Variants in FNDC3B observed in about 807,000 individuals in gnomAD.
FNDC3B encodes the protein fibronectin type III domain containing 3B.
In FNDC3B, 12 loss-of-function variants were observed where a neutral mutation model predicts 151.5. That is an observed-to-expected ratio of 0.08 (90% CI 0.05 to 0.13). The LOEUF (loss-of-function observed/expected upper bound fraction) is 0.13. FNDC3B is among the 10% of genes least tolerant of loss of function. FNDC3B has a pLI of 1.00. For synonymous variants in FNDC3B, 528 were observed against 549.0 expected (o/e 0.96, Z 0.54); for missense variants, 1,214 against 1,505.3 (o/e 0.81, Z 3.20).
intron 11 of FNDC3B, among the ~76,000 whole-genome samples, chr3:172,314,040 A>C (rs1185293056): frequency 6.6e-6 from 1 of 152,228 alleles, no homozygotes; most frequent in Admixed American, 6.5e-5. Context: ...GTGTGAACAC[A>C]TAAGGCTCTG....
intron 21 of FNDC3B, among the ~76,000 whole-genome samples, chr3:172,351,610 C>G (rs1259972868): frequency 6.6e-6 from 1 of 152,202 alleles, no homozygotes; most frequent in Non-Finnish European, 1.5e-5. Context: ...TTCACTGAAT[C>G]ACTCTGATTG....
At chr3:172,217,843 A>G (rs1381839447) in intron 3 of FNDC3B, among the ~76,000 whole-genome samples, 1 of 152,222 alleles carries the variant, frequency 6.6e-6, no homozygotes, top group Non-Finnish European at 1.5e-5. Flanking sequence ...GGAATGTTTG[A>G]AAGAAAAGAC....
chr3:172,394,324 G>A (rs1400482133), intron 25 of FNDC3B, among the ~76,000 whole-genome samples: 1 of 151,612 alleles, frequency 6.6e-6, no homozygotes, highest in African/African-American at 2.4e-5. Context: ...TAGAAAAACA[G>A]TACAAAGATC....
At chr3:172,068,323 C>G (rs1038797781) in intron 1 of FNDC3B, among the ~76,000 whole-genome samples, 1 of 151,792 alleles carries the variant, frequency 6.6e-6, no homozygotes, top group Admixed American at 6.6e-5. Context: ...CTCCCACTTT[C>G]AATACTCATC....
chr3:172,257,456 T>C (rs1728409310), intron 6 of FNDC3B, among the ~76,000 whole-genome samples: 1 of 152,168 alleles, frequency 6.6e-6, no homozygotes, highest in Non-Finnish European at 1.5e-5. Context: ...TTACAGTCAG[T>C]GATTTTCAAA....
At chr3:172,096,754 A>G (rs985986930) in intron 1 of FNDC3B, among the ~76,000 whole-genome samples, 1 of 152,218 alleles carries the variant, frequency 6.6e-6, no homozygotes, top group Non-Finnish European at 1.5e-5. Flanking sequence ...GAGATTATGA[A>G]CAATTAAACT....
At chr3:172,355,367 A>G (rs1734044694) in intron 22 of FNDC3B, among the ~76,000 whole-genome samples, 2 of 152,148 alleles carry the variant, frequency 1.3e-5, no homozygotes, top group African/African-American at 4.8e-5. Context: ...ACCTCTCTAT[A>G]TCTAAAATCA....
At chr3:172,073,371 G>C (rs1390040938) in intron 1 of FNDC3B, among the ~76,000 whole-genome samples, 1 of 152,214 alleles carries the variant, frequency 6.6e-6, no homozygotes, top group East Asian at 1.9e-4. Flanking sequence ...GAGACTGGCT[G>C]TGAAAGTGGA....
At chr3:172,340,933 G>A (rs1426881708) in intron 16 of FNDC3B, among the ~76,000 whole-genome samples, 180 bp from the exon 17 acceptor site, 1 of 152,206 alleles carries the variant, frequency 6.6e-6, no homozygotes, top group East Asian at 1.9e-4. Context: ...TATTAAAAAT[G>A]ACTCAATGTT....
At chr3:172,333,488 A>ATTTTTTTTT (rs748224819) in intron 14 of FNDC3B, among the ~76,000 whole-genome samples, 12 of 102,834 alleles carry the variant, frequency 1.2e-4, no homozygotes, top group East Asian at 2.6e-4. Context: ...TGCCCGGCTA[A>ATTTTTTTTT]TTTTTTTTTT....
chr3:172,180,889 A>G (rs759644249), intron 3 of FNDC3B, among the ~76,000 whole-genome samples: 1 of 152,172 alleles, frequency 6.6e-6, no homozygotes. Context: ...CAGTCTCCTC[A>G]GAAGCGGGAA....
At chr3:172,063,019 A>G (rs990520747) in intron 1 of FNDC3B, among the ~76,000 whole-genome samples, 3 of 152,220 alleles carry the variant, frequency 2.0e-5, no homozygotes, top group Non-Finnish European at 4.4e-5. Context: ...TTGCTCTCAT[A>G]GATTTTAAGA....
intron 25 of FNDC3B, among the ~76,000 whole-genome samples, chr3:172,387,501 A>G (rs1315290968): frequency 6.6e-6 from 1 of 152,236 alleles, no homozygotes; most frequent in East Asian, 1.9e-4. Context: ...TTTCTGCATG[A>G]ATAAAGGGTC....
At chr3:172,043,563 C>G (rs1048745783) in intron 1 of FNDC3B, among the ~76,000 whole-genome samples, 3 of 152,096 alleles carry the variant, frequency 2.0e-5, no homozygotes, top group Non-Finnish European at 2.9e-5. Context: ...ACTAGGTTGT[C>G]CAGGCTGCAT....
chr3:172,086,751 T>C (rs893046626), intron 1 of FNDC3B, among the ~76,000 whole-genome samples: 1 of 152,202 alleles, frequency 6.6e-6, no homozygotes, highest in Non-Finnish European at 1.5e-5. Flanking sequence ...CTTAAAAAGT[T>C]TGTGTGTTCA....
chr3:172,214,711 A>G (rs1364437030), intron 3 of FNDC3B, among the ~76,000 whole-genome samples: 1 of 152,172 alleles, frequency 6.6e-6, no homozygotes, highest in Non-Finnish European at 1.5e-5. Context: ...GTTCTAGTCC[A>G]TACATCCTGG....
At chr3:172,120,312 A>G (rs1424875656) in intron 2 of FNDC3B, among the ~76,000 whole-genome samples, 2 of 152,232 alleles carry the variant, frequency 1.3e-5, no homozygotes, top group African/African-American at 4.8e-5. Flanking sequence ...TGCACTGCAG[A>G]ATAATGGCAA....
chr3:172,279,258 A>T (rs568880384), intron 6 of FNDC3B, among the ~76,000 whole-genome samples: 8 of 152,238 alleles, frequency 5.3e-5, no homozygotes, highest in African/African-American at 1.7e-4. Flanking sequence ...TGTCCAGTGA[A>T]TTCCAGAAAT....
intron 25 of FNDC3B, among the ~76,000 whole-genome samples, chr3:172,394,900 G>A (rs904171761): frequency 6.6e-6 from 1 of 152,158 alleles, no homozygotes; most frequent in Non-Finnish European, 1.5e-5. Flanking sequence ...CCATGATCAA[G>A]TAGGATTTAT....
Sources: gnomAD v4.1 joint callset for allele counts (sites outside exome capture counted in the v4.1 genomes callset) on GRCh38, gnomAD v4.1.1 for gene constraint, MANE v1.5 for transcripts, NCBI Gene and HGNC (gene_info 2026-07-23, HGNC 2026-07-21) for gene names.